CFHR5: variants seen among roughly 807,000 people sequenced by gnomAD.
CFHR5 encodes complement factor H-related protein 5.
A neutral mutation model predicts 62.9 loss-of-function variants in CFHR5; 73 were observed. The observed-to-expected ratio is 1.16, with a 90% CI of 0.96 to 1.41. The LOEUF (loss-of-function observed/expected upper bound fraction) is 1.41. Ranked by LOEUF, CFHR5 falls within the 40% of genes most tolerant of loss-of-function variation. CFHR5 has a pLI of 0.00. For synonymous variants in CFHR5, 249 were observed against 227.2 expected (o/e 1.10, Z -0.86); for missense variants, 779 against 679.9 (o/e 1.15, Z -1.62).
chr1:197,002,970 T>C (rs1654192383), intron 8 of CFHR5, among the ~76,000 whole-genome samples: 1 of 152,174 alleles, frequency 6.6e-6, no homozygotes, highest in Non-Finnish European at 1.5e-5. Flanking sequence ...CATGTCACAA[T>C]GGCCTATAGT....
rs115664677 is a variant in CFHR5, at chr1:196,979,674, T to C, written c.58+1952T>C. Among the ~76,000 whole-genome samples, 903 of 152,216 alleles carry C rather than the reference T, an allele frequency of 5.9e-3. 12 individuals carry two copies. Among genetic ancestry groups the C allele is most frequent in the African/African-American group, 0.021 (869 of 41,560 alleles). ...AATATGAAGGCTTAGCACATTACCA[T>C]ACACTACTGTAAACTTCATGAACAC... On this transcript the variant is annotated intron_variant, in intron 1 of 9. Coordinates refer to ENST00000256785, the MANE Select transcript of CFHR5 (RefSeq NM_030787.4).
At chr1:196,999,837 A>AAT (rs1038675420) in intron 7 of CFHR5, among the ~76,000 whole-genome samples, 2 of 148,012 alleles carry the variant, frequency 1.4e-5, no homozygotes, top group African/African-American at 4.9e-5. Context: ...GTATATATAT[A>AAT]ATATATATGT....
At chr1:196,986,491 G>A (rs568909583) in intron 3 of CFHR5, among the ~76,000 whole-genome samples, 2 of 152,138 alleles carry the variant, frequency 1.3e-5, no homozygotes, top group Non-Finnish European at 2.9e-5. Flanking sequence ...TTTACATTAT[G>A]TATTTTGCCT....
In CFHR5 at chr1:197,005,175, C is replaced by A. The variant is rs146964352; in HGVS notation, c.1513+332C>A. On this transcript the variant is annotated intron_variant, in intron 9 of 9. Transcript: ENST00000256785. ...CTACCTGAGAACTTCTCACAGAGAC[C>A]CTTTGAAAAACACTGGTCTAGGAAA... is the stretch of plus-strand genomic sequence containing the variant. Among the ~76,000 whole-genome samples, 115 of 152,080 alleles carry A rather than the reference C, an allele frequency of 7.6e-4. 1 individual carries two copies. In the East Asian group the frequency reaches 0.02, roughly 27 times the overall value.
At chr1:196,996,961 A>G (rs1654007831) in intron 6 of CFHR5, among the ~76,000 whole-genome samples, 1 of 152,002 alleles carries the variant, frequency 6.6e-6, no homozygotes, top group African/African-American at 2.4e-5. Flanking sequence ...CTTGACACTT[A>G]AGTACTTGCA....
At chr1:196,976,844 G>A (rs1243044739), upstream of CFHR5, among the ~76,000 whole-genome samples, 2 of 121,732 alleles carry the variant, frequency 1.6e-5, no homozygotes, top group South Asian at 2.6e-4. Flanking sequence ...TCGCTCTGTC[G>A]CCCAGGCTGG....
At chr1:197,006,331 T>C (rs754609950) in intron 9 of CFHR5, among the ~76,000 whole-genome samples, 1 of 151,868 alleles carries the variant, frequency 6.6e-6, no homozygotes, top group Non-Finnish European at 1.5e-5. Context: ...ATCTGGAAAA[T>C]TCAAGGAAAC....
chr1:197,004,586 A>G (rs1654235351), intron 8 of CFHR5, 75 bp from the exon 9 acceptor site: 3 of 1,135,508 alleles, frequency 2.6e-6, no homozygotes, highest in East Asian at 4.7e-5. Context: ...TATTAAAGAT[A>G]TGATACATGA....
In CFHR5 at chr1:197,009,449, A is replaced by G. The variant is rs1052401907; in HGVS notation, c.*766A>G. 7.9e-5 allele frequency: 12 copies of G among 152,196 alleles called. No homozygotes were observed. The highest frequency in any genetic ancestry group is 2.9e-4 in the African/African-American group (12 of 41,452). The allele number at this position is 152,196 out of a possible 1,614,324, so 9.4% of individuals were successfully genotyped here. The stretch of plus-strand genomic sequence containing the variant: ...TAATCCCTCCTGTTTGTCTCAAATT[A>G]TAGGATAACTTTGAAACTTTCTGAA... On this transcript the variant is annotated 3_prime_UTR_variant, in exon 10 of 10. Coordinates refer to ENST00000256785, the MANE Select transcript of CFHR5 (RefSeq NM_030787.4).
chr1:197,008,749 A>C lies in CFHR5; in HGVS notation c.*66A>C. 7.8e-7 allele frequency: 1 copy of C among 1,287,560 alleles called. No individual in the cohort carries two copies. The highest frequency in any genetic ancestry group is 1.1e-6 in the Non-Finnish European group (1 of 884,734). 79.8% of individuals were successfully genotyped at this position (1,287,560 alleles called of 1,614,324 possible). On this transcript the variant is annotated 3_prime_UTR_variant, in exon 10 of 10. Transcript: ENST00000256785. ...TCTATGCTAAAAGTAGCCATTATGT[A>C]GCCAATTCTGTAGTTACTTCTTTTA...
upstream of CFHR5, among the ~76,000 whole-genome samples, chr1:196,977,103 G>T (rs111728710): frequency 1.3e-5 from 2 of 151,738 alleles, no homozygotes; most frequent in Admixed American, 1.3e-4. Context: ...CATTGCGCCC[G>T]GCCAGCAAAA....
chr1:197,007,808 T>A (rs972306168), intron 9 of CFHR5, among the ~76,000 whole-genome samples: 14 of 147,480 alleles, frequency 9.5e-5, no homozygotes, highest in African/African-American at 3.4e-4. Flanking sequence ...TTATATATAA[T>A]CCATATATTA....
rs1165301004 is a variant in CFHR5, at chr1:196,996,194, G to A, written c.963G>A (p.Met321Ile). The A allele has an allele frequency of 2.5e-6, 4 of 1,606,802 alleles. No homozygotes were observed. The highest frequency in any genetic ancestry group is 1.1e-5 in the South Asian group (1 of 90,924). The change falls in exon 6 of 10, where the codon ATG (methionine) becomes ATA (isoleucine). Residue 321 changes from methionine to isoleucine, a missense_variant. Met to Ile is a conservative substitution (Grantham distance 10). Transcript: ENST00000256785. Reference sequence around the variant, plus strand: ...ATGGAATATGGACAGAGCTTCCTATGTGTGTTGGTGAGAAAACATTCCTAA... The same window carrying A: ...ATGGAATATGGACAGAGCTTCCTATATGTGTTGGTGAGAAAACATTCCTAA... Reference protein sequence around the residue: ...CINGIWTELPMCVATHQLKRC... With the variant: ...CINGIWTELPICVATHQLKRC...
intron 2 of CFHR5, among the ~76,000 whole-genome samples, chr1:196,983,518 G>A (rs1653597707): frequency 6.6e-6 from 1 of 152,060 alleles, no homozygotes; most frequent in Non-Finnish European, 1.5e-5. Flanking sequence ...GTCCTTCAAA[G>A]TGTAGCTATA....
intron 3 of CFHR5, among the ~76,000 whole-genome samples, chr1:196,986,345 C>T (rs997584093): frequency 5.3e-5 from 8 of 151,842 alleles, no homozygotes; most frequent in African/African-American, 1.9e-4. Flanking sequence ...GAAAACCCTA[C>T]ATTGGCCAAG....
At chr1:196,978,000 T>A (rs1653442291) in intron 1 of CFHR5, among the ~76,000 whole-genome samples, 2 of 152,258 alleles carry the variant, frequency 1.3e-5, no homozygotes, top group South Asian at 4.2e-4. Context: ...TCTGCTATAA[T>A]AAAGATGACA....
chr1:196,977,933 G>T (rs1037810083), intron 1 of CFHR5, among the ~76,000 whole-genome samples: 3 of 152,104 alleles, frequency 2.0e-5, no homozygotes, highest in African/African-American at 7.2e-5. Context: ...TCTCTAGTTT[G>T]CTAAGGGTAA....
chr1:196,995,642 C>T, intron 4 of CFHR5, 75 bp from the exon 5 acceptor site: 1 of 1,346,394 alleles, frequency 7.4e-7, no homozygotes, highest in Non-Finnish European at 1.1e-6. Context: ...ATTTCTAAGT[C>T]AAAAATTTAG....
intron 1 of CFHR5, among the ~76,000 whole-genome samples, chr1:196,981,755 A>G (rs1353406162): frequency 6.6e-6 from 1 of 152,016 alleles, no homozygotes; most frequent in African/African-American, 2.4e-5. Context: ...TAGTATTTGC[A>G]TATAACATAT....
Sources: gnomAD v4.1 joint callset for allele counts (sites outside exome capture counted in the v4.1 genomes callset) on GRCh38, gnomAD v4.1.1 for gene constraint, MANE v1.5 for transcripts, NCBI Gene and HGNC (gene_info 2026-07-23, HGNC 2026-07-21) for gene names.